The following TTBK2 variants were observed in gnomAD, a reference collection of about 807,000 sequenced individuals.
TTBK2 encodes the protein tau tubulin kinase 2.
In TTBK2, 28 loss-of-function variants were observed where a neutral mutation model predicts 110.8. That is an observed-to-expected ratio of 0.25 (90% confidence interval 0.19 to 0.35). The LOEUF is 0.35. Among genes scored for constraint, TTBK2 ranks in the 10% least tolerant of loss-of-function variants. The probability of loss-of-function intolerance (pLI) is 1.00; values close to 1 mark genes in which losing one functional copy is unlikely to be tolerated. For synonymous variants in TTBK2, 532 were observed against 527.3 expected (o/e 1.01, Z -0.12); for missense variants, 1,369 against 1,500.3 (o/e 0.91, Z 1.45).
intron 13 of TTBK2, among the ~76,000 whole-genome samples, chr15:42,769,813 T>C (rs1889578211): frequency 6.6e-6 from 1 of 152,190 alleles, no homozygotes; most frequent in African/African-American, 2.4e-5. Flanking sequence ...TGTACATGTA[T>C]GTTTATTGTG....
intron 7 of TTBK2, among the ~76,000 whole-genome samples, chr15:42,814,951 T>C (rs901394338): frequency 2.6e-5 from 4 of 152,170 alleles, no homozygotes; most frequent in South Asian, 2.1e-4. Flanking sequence ...TTAGAAGAAA[T>C]TGCCACTGTC....
Position 42,753,349 on chromosome 15 carries a change from C to T in TTBK2, c.1999-102G>A, listed in dbSNP as rs1462505709. The T allele has an allele frequency of 2.9e-5, 37 of 1,274,864 alleles. No individual in the cohort carries two copies. In the South Asian group the frequency reaches 3.7e-4, roughly 13 times the overall value. 79.0% of individuals were successfully genotyped at this position (1,274,864 alleles called of 1,614,324 possible). On this transcript the variant is annotated intron_variant, in intron 13 of 14. Transcript: ENST00000267890. ...CTCCAATTCTAATTTATAGGAAGAACACAGATGTTGACCAGGTCTGCCCAA... is the reference window on the plus strand; with the variant it reads ...CTCCAATTCTAATTTATAGGAAGAATACAGATGTTGACCAGGTCTGCCCAA...
chr15:42,840,135 G>A (rs989849883), intron 4 of TTBK2, among the ~76,000 whole-genome samples: 9 of 152,168 alleles, frequency 5.9e-5, no homozygotes, highest in African/African-American at 1.4e-4. Context: ...AAACTGCAAA[G>A]ATGACAATCA....
chr15:42,890,616 C>T (rs1895418068), intron 1 of TTBK2, among the ~76,000 whole-genome samples: 1 of 152,158 alleles, frequency 6.6e-6, no homozygotes, highest in African/African-American at 2.4e-5. Context: ...TCCTATCTTA[C>T]ATTTTTGTGT....
chr15:42,801,174 T>G (rs1948126416), intron 9 of TTBK2: 1 of 1,286,260 alleles, frequency 7.8e-7, no homozygotes, highest in Non-Finnish European at 1.1e-6. Context: ...GCTGGTGGTC[T>G]TCATATGGAT....
At chr15:42,821,959 G>T in intron 6 of TTBK2, among the ~76,000 whole-genome samples, 1 of 150,996 alleles carries the variant, frequency 6.6e-6, no homozygotes, top group East Asian at 2.0e-4. Flanking sequence ...CAAAGTGCTG[G>T]GATTACAGGT....
At chr15:42,905,171 G>A (rs1383386343) in intron 1 of TTBK2, among the ~76,000 whole-genome samples, 1 of 152,052 alleles carries the variant, frequency 6.6e-6, no homozygotes, top group Admixed American at 6.6e-5. Context: ...ACCACACTTG[G>A]CCCCAAACTG....
chr15:42,785,222 C>T (rs1028191749), intron 10 of TTBK2, among the ~76,000 whole-genome samples: 4 of 148,390 alleles, frequency 2.7e-5, no homozygotes, highest in African/African-American at 5.0e-5. Flanking sequence ...GGGGTTCAAG[C>T]GATTCTCCTG....
intron 4 of TTBK2, among the ~76,000 whole-genome samples, chr15:42,834,858 C>A (rs990811409): frequency 6.6e-6 from 1 of 152,100 alleles, no homozygotes; most frequent in African/African-American, 2.4e-5. Context: ...GACTGGGCAA[C>A]AGAGTGAGAT....
chr15:42,802,532 A>C, intron 9 of TTBK2: 1 of 455,370 alleles, frequency 2.2e-6, no homozygotes. Context: ...TAAAGAAAAA[A>C]ATTTAACTGC....
intron 1 of TTBK2, among the ~76,000 whole-genome samples, chr15:42,887,941 C>T (rs1454563191): frequency 1.3e-5 from 2 of 151,758 alleles, no homozygotes; most frequent in Non-Finnish European, 2.9e-5. Flanking sequence ...CGTGCTCTCC[C>T]GCTGATCGTG....
At chr15:42,881,148 T>C (rs924627356) in intron 1 of TTBK2, among the ~76,000 whole-genome samples, 6 of 151,728 alleles carry the variant, frequency 4.0e-5, no homozygotes, top group Non-Finnish European at 8.8e-5. Context: ...CAAGGCGTGG[T>C]GGCAGGTGCC....
chr15:42,913,380 C>A (rs981696097), intron 1 of TTBK2, among the ~76,000 whole-genome samples: 1 of 152,054 alleles, frequency 6.6e-6, no homozygotes, highest in Non-Finnish European at 1.5e-5. Context: ...TGGCTCACAT[C>A]TGTAATCCCA....
chr15:42,892,940 G>C (rs1196277193), intron 1 of TTBK2, among the ~76,000 whole-genome samples: 1 of 150,554 alleles, frequency 6.6e-6, no homozygotes, highest in Non-Finnish European at 1.5e-5. Flanking sequence ...GAACCCGGGA[G>C]GCGGAGTATG....
intron 1 of TTBK2, among the ~76,000 whole-genome samples, chr15:42,905,639 A>G (rs2030345803): frequency 6.6e-6 from 1 of 152,180 alleles, no homozygotes; most frequent in Non-Finnish European, 1.5e-5. Flanking sequence ...ACTCCCTAAA[A>G]GAGTATTATC....
chr15:42,763,192 A>ATATATATATATATATATT (rs1889180506), intron 13 of TTBK2, among the ~76,000 whole-genome samples: 1 of 13,386 alleles, frequency 7.5e-5, no homozygotes, highest in Non-Finnish European at 1.2e-4. Context: ...ATATATATAT[A>ATATATATATATATATATT]TTTTTTTTTT....
At chr15:42,778,862 C>T (rs1890051926) in intron 11 of TTBK2, among the ~76,000 whole-genome samples, 1 of 151,992 alleles carries the variant, frequency 6.6e-6, no homozygotes, top group Admixed American at 6.6e-5. Flanking sequence ...TTTCCCAGAA[C>T]ATATTTTTAT....
chr15:42,756,358 G>A (rs2061946431), intron 13 of TTBK2, among the ~76,000 whole-genome samples: 1 of 152,096 alleles, frequency 6.6e-6, no homozygotes. Flanking sequence ...GGCTGAGGTG[G>A]GCGGATCATC....
At chr15:42,858,297 A>C (rs1894023649) in intron 3 of TTBK2, among the ~76,000 whole-genome samples, 1 of 152,198 alleles carries the variant, frequency 6.6e-6, no homozygotes, top group Non-Finnish European at 1.5e-5. Context: ...TTTTCATTAC[A>C]AAAACAAAGG....
Sources: gnomAD v4.1 joint callset for allele counts (sites outside exome capture counted in the v4.1 genomes callset) on GRCh38, gnomAD v4.1.1 for gene constraint, MANE v1.5 for transcripts, NCBI Gene and HGNC (gene_info 2026-07-23, HGNC 2026-07-21) for gene names.